The following PRKN variants were observed in gnomAD, a reference collection of about 807,000 sequenced individuals.
PRKN encodes the protein E3 ubiquitin-protein ligase parkin.
Under a neutral mutation model 59.5 loss-of-function variants are expected in PRKN, and 56 were observed. The observed-to-expected ratio is 0.94, with a 90% confidence interval of 0.76 to 1.18. The LOEUF is 1.18. Ranked by LOEUF, PRKN falls within the 50% of genes most tolerant of loss-of-function variation. The pLI, the probability that PRKN is intolerant of heterozygous loss-of-function variation, is 0.00. For synonymous variants in PRKN, 250 were observed against 222.1 expected, an observed-to-expected ratio of 1.13 and a Z score of -1.12; for missense variants, 657 against 596.4, an observed-to-expected ratio of 1.10 and a Z score of -1.06.
At chr6:161,477,811 C>T (rs770931468) in intron 9 of PRKN, among the ~76,000 whole-genome samples, 1 of 152,110 alleles carries the variant, frequency 6.6e-6, no homozygotes, top group Non-Finnish European at 1.5e-5. Flanking sequence ...TTGAAGACGG[C>T]TCATGCAGGC....
At chr6:161,744,734 A>G (rs1788342404) in intron 7 of PRKN, among the ~76,000 whole-genome samples, 1 of 152,214 alleles carries the variant, frequency 6.6e-6, no homozygotes, top group Non-Finnish European at 1.5e-5. Flanking sequence ...CTGTTCCATT[A>G]ACGTTTTGTC....
chr6:162,579,284 C>T (rs2128210755), intron 1 of PRKN, among the ~76,000 whole-genome samples: 1 of 152,204 alleles, frequency 6.6e-6, no homozygotes, highest in Non-Finnish European at 1.5e-5. Context: ...TCTTCCATGC[C>T]CAGCAAATAC....
At chr6:161,755,582 C>T (rs569447039) in intron 7 of PRKN, among the ~76,000 whole-genome samples, 39 of 151,834 alleles carry the variant, frequency 2.6e-4, no homozygotes, top group Admixed American at 2.6e-3. Flanking sequence ...AACAGTGCCT[C>T]GACTACGGCA....
In PRKN at chr6:161,456,011, A is replaced by T. The variant is rs1205080233; in HGVS notation, c.1084-69134T>A. On this transcript the variant is annotated intron_variant, in intron 9 of 11. Transcript: ENST00000366898. The surrounding 1 kb of genome is among the most constrained non-coding windows in gnomAD (Gnocchi z 4.8). ...TAGTTTCTTCCAGTTCAAAATCACT[A>T]TGAAAAAATGTTTTCCTAAGGAGAA... is the stretch of plus-strand genomic sequence containing the variant. Among the ~76,000 whole-genome samples, 1 of 152,212 alleles carries T rather than the reference A, an allele frequency of 6.6e-6. No individual in the cohort carries two copies. The highest frequency in any genetic ancestry group is 1.9e-4 in the East Asian group (1 of 5,192).
intron 9 of PRKN, among the ~76,000 whole-genome samples, chr6:161,403,023 G>A (rs1409383992): frequency 6.6e-6 from 1 of 152,134 alleles, no homozygotes; most frequent in Non-Finnish European, 1.5e-5. Flanking sequence ...TTCCCCAAGT[G>A]TCCTCTGTTA....
chr6:162,117,083 G>A (rs969922555), intron 4 of PRKN, among the ~76,000 whole-genome samples: 2 of 152,146 alleles, frequency 1.3e-5, no homozygotes, highest in Non-Finnish European at 2.9e-5. Context: ...ATCACTGTGG[G>A]AAAGCAGCTG....
At chr6:161,431,076 T>G (rs1234079789) in intron 9 of PRKN, among the ~76,000 whole-genome samples, 1 of 149,438 alleles carries the variant, frequency 6.7e-6, no homozygotes, top group Admixed American at 6.7e-5. Context: ...GGGGCGGAGG[T>G]TGAAACGAGT....
chr6:162,000,295 TC>T (rs1782002962), intron 5 of PRKN, among the ~76,000 whole-genome samples: 1 of 152,240 alleles, frequency 6.6e-6, no homozygotes, highest in African/African-American at 2.4e-5. Context: ...ATTCCCATAC[TC>T]CCCAGCATTT....
In PRKN at chr6:161,371,485, G is replaced by C. The variant is rs1190265083; in HGVS notation, c.1168-11280C>G. Among the ~76,000 whole-genome samples the C allele has an allele frequency of 6.8e-6, 1 of 147,888 alleles. No homozygotes were observed. On this transcript the variant is annotated intron_variant, in intron 10 of 11. Transcript: ENST00000366898. The surrounding 1 kb of genome is among the most constrained non-coding windows in gnomAD (Gnocchi z 5.5). ...CGGCCTATTTTGTTATTTTTTTTAA[G>C]AGAAATCATCAGAGTGTTGGGATTT...
chr6:161,907,798 C>T (rs964880139), intron 6 of PRKN, among the ~76,000 whole-genome samples: 1 of 152,154 alleles, frequency 6.6e-6, no homozygotes, highest in African/African-American at 2.4e-5. Flanking sequence ...GAATTTCCGG[C>T]GAGGCGCAGG....
chr6:162,651,452 C>T (rs566634388), intron 1 of PRKN, among the ~76,000 whole-genome samples: 4 of 152,318 alleles, frequency 2.6e-5, no homozygotes, highest in African/African-American at 9.6e-5. Context: ...GTCTTCACTT[C>T]ACCAGATTAC....
chr6:161,763,820 C>T (rs1461324002), intron 7 of PRKN, among the ~76,000 whole-genome samples: 2 of 152,188 alleles, frequency 1.3e-5, no homozygotes, highest in South Asian at 4.2e-4. Flanking sequence ...TGAGCTGAAT[C>T]GAGAAACCTA....
chr6:161,817,716 T>C (rs2128215256), intron 6 of PRKN, among the ~76,000 whole-genome samples: 1 of 152,340 alleles, frequency 6.6e-6, no homozygotes, highest in South Asian at 2.1e-4. Flanking sequence ...GGTTTTGGTT[T>C]ATATAGACTA....
intron 1 of PRKN, among the ~76,000 whole-genome samples, chr6:162,650,660 G>A (rs1778395202): frequency 6.6e-6 from 1 of 150,872 alleles, no homozygotes; most frequent in Admixed American, 6.6e-5. Context: ...GATTTTAACA[G>A]TCTACAAAGT....
intron 4 of PRKN, among the ~76,000 whole-genome samples, chr6:162,200,762 C>CCAT (rs1784693063): frequency 6.6e-6 from 1 of 152,184 alleles, no homozygotes; most frequent in Non-Finnish European, 1.5e-5. Flanking sequence ...AACCATGCTA[C>CCAT]CATCACACAG....
At chr6:162,185,982 A>T (rs1784012746) in intron 4 of PRKN, among the ~76,000 whole-genome samples, 1 of 151,896 alleles carries the variant, frequency 6.6e-6, no homozygotes, top group African/African-American at 2.4e-5. Flanking sequence ...TTTTTTTTTC[A>T]AAACATGTGG....
At chr6:161,676,290 A>T (rs1016595419) in intron 7 of PRKN, among the ~76,000 whole-genome samples, 7 of 152,220 alleles carry the variant, frequency 4.6e-5, no homozygotes, top group African/African-American at 1.7e-4. Context: ...GACCCACTAC[A>T]TTAATTTGCA....
At chr6:162,715,434 G>A (rs1367211014) in intron 1 of PRKN, among the ~76,000 whole-genome samples, 1 of 152,206 alleles carries the variant, frequency 6.6e-6, no homozygotes, top group African/African-American at 2.4e-5. Context: ...TGTCAAGACA[G>A]TCTGAAGTAC....
chr6:162,528,185 G>A (rs918008749), intron 1 of PRKN, among the ~76,000 whole-genome samples: 1 of 152,114 alleles, frequency 6.6e-6, no homozygotes, highest in African/African-American at 2.4e-5. Context: ...AGCCAGGCGT[G>A]GTGGTGGGTG....
Sources: allele counts gnomAD v4.1 joint callset (sites outside exome capture counted in the v4.1 genomes callset), GRCh38; gene constraint gnomAD v4.1.1; non-coding constraint Gnocchi (gnomAD v3.1); transcripts MANE v1.5; gene names NCBI Gene and HGNC (gene_info 2026-07-23, HGNC 2026-07-21).